The following SIK3 variants were observed in gnomAD, a reference collection of about 807,000 sequenced individuals.
SIK3 encodes the protein serine/threonine-protein kinase SIK3.
SIK3 carries 28 observed loss-of-function variants against 144.2 expected under a neutral mutation model. That is an observed-to-expected ratio of 0.19 (90% confidence interval 0.14 to 0.27). SIK3 has a LOEUF of 0.27. Among genes scored for constraint, SIK3 ranks in the 10% least tolerant of loss-of-function variants. SIK3 has a pLI of 1.00. For missense variants in SIK3, 1,319 were observed against 1,776.0 expected (o/e 0.74, Z 4.62); for synonymous variants, 686 against 676.3 (o/e 1.01, Z -0.22).
At chr11:117,082,995 C>T (rs781311836) in intron 1 of SIK3, among the ~76,000 whole-genome samples, 41 of 152,070 alleles carry the variant, frequency 2.7e-4, no homozygotes, top group Non-Finnish European at 5.0e-4. Context: ...CTATTCTTAT[C>T]CTGGTATCAG....
At chr11:117,032,089 T>C (rs1952287582) in intron 1 of SIK3, among the ~76,000 whole-genome samples, 1 of 152,214 alleles carries the variant, frequency 6.6e-6, no homozygotes, top group African/African-American at 2.4e-5. Context: ...AGCTATACAA[T>C]AAGTCTTGAA....
intron 1 of SIK3, among the ~76,000 whole-genome samples, chr11:117,090,615 G>A (rs1591689226): frequency 1.3e-5 from 2 of 152,212 alleles, no homozygotes; most frequent in East Asian, 3.8e-4. Context: ...TATTCCCTAG[G>A]AGTTAGCTAG....
chr11:117,006,292 G>T (rs1327551958), intron 1 of SIK3, among the ~76,000 whole-genome samples: 2 of 152,202 alleles, frequency 1.3e-5, no homozygotes, highest in Non-Finnish European at 2.9e-5. Flanking sequence ...TATGGGCTAT[G>T]TAGCTTTGAT....
intron 1 of SIK3, among the ~76,000 whole-genome samples, chr11:117,087,021 G>T (rs947514028): frequency 6.6e-5 from 10 of 151,410 alleles, no homozygotes; most frequent in Non-Finnish European, 8.8e-5. Flanking sequence ...AAAATCAATG[G>T]TTTGGGTGAT....
chr11:116,992,002 T>C (rs607756), intron 1 of SIK3, among the ~76,000 whole-genome samples: 8,576 of 152,182 alleles, frequency 0.056, 512 homozygotes, highest in African/African-American at 0.15. Flanking sequence ...GGGTAAATCT[T>C]GTCTTTCTAC....
intron 1 of SIK3, among the ~76,000 whole-genome samples, chr11:117,096,064 G>A (rs1035829772): frequency 9.2e-5 from 14 of 152,156 alleles, no homozygotes; most frequent in African/African-American, 2.7e-4. Context: ...AAAAACACAC[G>A]CACGCACATA....
chr11:117,040,024 T>C (rs1952671172), intron 1 of SIK3, among the ~76,000 whole-genome samples: 1 of 152,160 alleles, frequency 6.6e-6, no homozygotes. Flanking sequence ...ACCTGAACTC[T>C]AGCTAATTGT....
intron 3 of SIK3, among the ~76,000 whole-genome samples, chr11:116,944,372 A>G: frequency 6.6e-6 from 1 of 152,166 alleles, no homozygotes; most frequent in East Asian, 1.9e-4. Context: ...TAGAGGCTGG[A>G]TATACATTGT....
rs553999677 is a variant in SIK3, at chr11:116,849,420, G to C, written c.3656-137C>G. On this transcript the variant is annotated intron_variant, in intron 21 of 24. Transcript: ENST00000445177. This position sits in a 1 kb window ranked among gnomAD's most constrained non-coding sequence, Gnocchi z 4.2. ...GTACACCAACCGCTGATCCTCAGCC[G>C]GCGTCATGGCTTAGAGGAGCCTGGA... 1.8e-5 allele frequency: 19 copies of C among 1,074,320 alleles called. No homozygotes were observed. The African/African-American group carries it at 3.0e-4, about 17-fold the overall frequency. The allele number at this position is 1,074,320 out of a possible 1,614,324, so 66.5% of individuals were successfully genotyped here. A position where few individuals can be genotyped will look rare whatever the true frequency, so the allele number is the denominator to read the frequency against.
At chr11:117,084,991 C>T (rs565244012) in intron 1 of SIK3, among the ~76,000 whole-genome samples, 1 of 151,712 alleles carries the variant, frequency 6.6e-6, no homozygotes, top group African/African-American at 2.4e-5. Flanking sequence ...AAAATATTAA[C>T]CTATGTTAAC....
In SIK3 at chr11:116,888,882, T is replaced by C. The variant is rs150429216; in HGVS notation, c.865+7371A>G. Among the ~76,000 whole-genome samples the C allele has an allele frequency of 7.9e-5, 12 of 152,342 alleles. No homozygotes were observed. In the East Asian group the frequency reaches 1.5e-3, roughly 20 times the overall value. ...CTGTTAGTTTATTTCTAAGCACTAA[T>C]AGACAGTGTGGCTGACAGCATGCTT... On this transcript the variant is annotated intron_variant, in intron 6 of 24. Transcript: ENST00000445177.
At chr11:116,933,150 T>TC (rs1947713404) in intron 3 of SIK3, among the ~76,000 whole-genome samples, 1 of 151,480 alleles carries the variant, frequency 6.6e-6, no homozygotes, top group Admixed American at 6.6e-5. Context: ...TTTTTTTTTT[T>TC]TTTCTTTTTT....
chr11:116,875,464 A>G lies in SIK3; in HGVS notation c.1240-13T>C. ...CTGCCTGCTCCGCCTGGAAAGCAGT[A>G]CATACATATACACGCATACCTTTAA... On this transcript the variant is annotated splice_polypyrimidine_tract_variant and intron_variant, in intron 9 of 24. Coordinates refer to ENST00000445177, the MANE Select transcript of SIK3 (RefSeq NM_001366686.3). 5.0e-6 allele frequency: 8 copies of G among 1,612,636 alleles called. No homozygotes were observed. The highest frequency in any genetic ancestry group is 6.8e-6 in the Non-Finnish European group (8 of 1,178,844).
intron 1 of SIK3, among the ~76,000 whole-genome samples, chr11:116,975,567 T>C (rs1365779689): frequency 6.6e-6 from 1 of 152,232 alleles, no homozygotes; most frequent in African/African-American, 2.4e-5. Context: ...TGCCAAATAA[T>C]ATTCCATTGT....
chr11:117,086,646 G>A (rs1478862295), intron 1 of SIK3, among the ~76,000 whole-genome samples: 1 of 150,174 alleles, frequency 6.7e-6, no homozygotes, highest in Non-Finnish European at 1.5e-5. Flanking sequence ...AGCAGAGACT[G>A]CGCCACTGCA....
At chr11:116,995,984 T>C (rs1381970336) in intron 1 of SIK3, among the ~76,000 whole-genome samples, 2 of 151,962 alleles carry the variant, frequency 1.3e-5, no homozygotes, top group Non-Finnish European at 2.9e-5. Context: ...GACTTCATCT[T>C]AATTAATTAA....
At chr11:116,918,676 T>C (rs917361628) in intron 4 of SIK3, among the ~76,000 whole-genome samples, 3 of 152,166 alleles carry the variant, frequency 2.0e-5, no homozygotes, top group African/African-American at 7.2e-5. Flanking sequence ...CAGCCTCAGG[T>C]GTTACACTTC....
chr11:116,863,894 A>G, intron 15 of SIK3, 76 bp from the exon 16 acceptor site: 1 of 1,435,480 alleles, frequency 7.0e-7, no homozygotes, highest in South Asian at 1.4e-5. Context: ...CTGCTGTTCC[A>G]GATGAACATA....
At chr11:116,956,674 C>T (rs1400558675) in intron 2 of SIK3, among the ~76,000 whole-genome samples, 1 of 152,154 alleles carries the variant, frequency 6.6e-6, no homozygotes, top group African/African-American at 2.4e-5. Flanking sequence ...TCTGAATTAA[C>T]ATTTTGTGTA....
Sources: allele counts gnomAD v4.1 joint callset (sites outside exome capture counted in the v4.1 genomes callset), GRCh38; gene constraint gnomAD v4.1.1; non-coding constraint Gnocchi (gnomAD v3.1); transcripts MANE v1.5; gene names NCBI Gene and HGNC (gene_info 2026-07-23, HGNC 2026-07-21).